Variants in CDC14A observed in about 807,000 individuals in gnomAD.
CDC14A encodes dual specificity protein phosphatase CDC14A.
Under a neutral mutation model 74.4 loss-of-function variants are expected in CDC14A, and 53 were observed. That is an observed-to-expected ratio of 0.71 (90% CI 0.57 to 0.89). The LOEUF is 0.89. Among genes scored for constraint, CDC14A ranks in the 40% least tolerant of loss-of-function variants. The probability of loss-of-function intolerance (pLI) is 0.00; values close to 1 mark genes in which losing one functional copy is unlikely to be tolerated. For missense variants in CDC14A, 646 were observed against 713.7 expected (o/e 0.91, Z 1.08); for synonymous variants, 247 against 258.4 (o/e 0.96, Z 0.43).
At chr1:100,472,021 A>G (rs1484325070) in intron 10 of CDC14A, among the ~76,000 whole-genome samples, 1 of 152,192 alleles carries the variant, frequency 6.6e-6, no homozygotes, top group African/African-American at 2.4e-5. Context: ...CTATTAAGAG[A>G]GTGAAAATGA....
chr1:100,476,049 G>C (rs964626000), intron 10 of CDC14A, among the ~76,000 whole-genome samples: 2 of 152,198 alleles, frequency 1.3e-5, no homozygotes, highest in Non-Finnish European at 2.9e-5. Flanking sequence ...TTTATTTCCT[G>C]TGGGGTTTGG....
intron 10 of CDC14A, among the ~76,000 whole-genome samples, chr1:100,479,275 AT>A (rs1669220050): frequency 6.6e-6 from 1 of 152,170 alleles, no homozygotes; most frequent in South Asian, 2.1e-4. Context: ...AAAAAAGTTA[AT>A]TCTTTTTTAA....
At chr1:100,412,772 A>ATATATATAT (rs1661037817) in intron 4 of CDC14A, among the ~76,000 whole-genome samples, 2 of 118,768 alleles carry the variant, frequency 1.7e-5, no homozygotes, top group African/African-American at 7.1e-5. Flanking sequence ...TATATATTAT[A>ATATATATAT]TATATATATA....
intron 8 of CDC14A, among the ~76,000 whole-genome samples, chr1:100,461,575 C>A (rs970467863): frequency 6.6e-6 from 1 of 152,172 alleles, no homozygotes; most frequent in African/African-American, 2.4e-5. Context: ...GGAACTTAGT[C>A]CCCTGAACTT....
intron 2 of CDC14A, among the ~76,000 whole-genome samples, chr1:100,370,185 G>A (rs1654264753): frequency 6.6e-6 from 1 of 151,800 alleles, no homozygotes; most frequent in Non-Finnish European, 1.5e-5. Flanking sequence ...GTTTTGCTAT[G>A]TTGCCCAGGC....
chr1:100,496,575 A>G (rs1228690293), intron 13 of CDC14A, among the ~76,000 whole-genome samples: 1 of 152,220 alleles, frequency 6.6e-6, no homozygotes, highest in Non-Finnish European at 1.5e-5. Context: ...CAGTGAGAGC[A>G]GCAGAGATGT....
chr1:100,432,939 G>A (rs1663887497), intron 5 of CDC14A, among the ~76,000 whole-genome samples: 1 of 152,086 alleles, frequency 6.6e-6, no homozygotes, highest in African/African-American at 2.4e-5. Flanking sequence ...GCAGGCTGGG[G>A]TGCAGTGGCC....
At chr1:100,353,645 G>A in intron 1 of CDC14A, 117 bp from the exon 2 acceptor site, 1 of 630,488 alleles carries the variant, frequency 1.6e-6, no homozygotes, top group South Asian at 1.9e-5. Flanking sequence ...GTTTCTGCAA[G>A]AATTCCACGT....
At position 100,499,401 on chromosome 1, in the gene CDC14A, G is replaced by A. The variant is rs976130734; in HGVS notation, c.1755+139G>A. On this transcript the variant is annotated intron_variant, in intron 15 of 15. Transcript: ENST00000336454. ...CTGAGCGATGCCTTCCCTCTGTGCT[G>A]TGAAACTGTCTATGCACTACATTCT... 3.2e-6 allele frequency: 5 copies of A among 1,586,684 alleles called. No homozygotes were observed. In the African/African-American group the frequency reaches 4.0e-5, roughly 13 times the overall value.
At chr1:100,351,527 G>A (rs758914681), upstream of CDC14A, among the ~76,000 whole-genome samples, 17 of 152,196 alleles carry the variant, frequency 1.1e-4, no homozygotes, top group Non-Finnish European at 2.4e-4. Flanking sequence ...CTTTTAGCGG[G>A]ACTCCTGCCT....
intron 1 of CDC14A, 136 bp downstream of exon 1, chr1:100,353,139 C>A: frequency 1.1e-6 from 1 of 878,878 alleles, no homozygotes; most frequent in Non-Finnish European, 1.8e-6. Flanking sequence ...CCTCTAGGGA[C>A]TCTCCTTTCT....
intron 3 of CDC14A, among the ~76,000 whole-genome samples, chr1:100,384,629 C>T (rs1656592837): frequency 1.3e-5 from 2 of 152,188 alleles, no homozygotes; most frequent in Non-Finnish European, 1.5e-5. Flanking sequence ...ACCCATAGAA[C>T]CTTCTTCAGC....
chr1:100,479,381 A>T (rs537138508), intron 10 of CDC14A, among the ~76,000 whole-genome samples: 1 of 152,310 alleles, frequency 6.6e-6, no homozygotes, highest in African/African-American at 2.4e-5. Flanking sequence ...TCACCTAAGT[A>T]CTGTACATTG....
chr1:100,401,868 G>A (rs541560564), intron 4 of CDC14A, among the ~76,000 whole-genome samples: 14 of 152,064 alleles, frequency 9.2e-5, no homozygotes, highest in South Asian at 2.1e-4. Context: ...GAGAAACCCC[G>A]TCTGTACTAA....
chr1:100,517,755 G>A (rs1464861402), intron 15 of CDC14A, among the ~76,000 whole-genome samples: 1 of 152,184 alleles, frequency 6.6e-6, no homozygotes, highest in Non-Finnish European at 1.5e-5. Context: ...GAAAGGATGT[G>A]TAAGATATTT....
chr1:100,353,800 AG>A lies in CDC14A; in HGVS notation c.89del (p.Ser30ThrfsTer3). 6.2e-7 allele frequency: 1 copy of A among 1,609,052 alleles called. No homozygotes were observed. The highest frequency in any genetic ancestry group is 8.5e-7 in the Non-Finnish European group (1 of 1,176,376). On this transcript the variant is annotated frameshift_variant, in exon 2 of 16. Transcript: ENST00000336454. LOFTEE classifies it high-confidence loss of function. ...YFATLRNRPK[S>X]TVNTHYFSID... Reference sequence around the variant, plus strand: ...TGCTACTTTAAGGAATAGACCAAAAAGCACAGTAAATACCCACTATTTCTCC... The same window carrying A: ...TGCTACTTTAAGGAATAGACCAAAAACACAGTAAATACCCACTATTTCTCC...
rs6674063 is a variant in CDC14A at position 100,450,279 on chromosome 1, G to A, written c.520-5126G>A. 3.9e-3 allele frequency among the ~76,000 whole-genome samples: 597 copies of A among 152,310 alleles called. 6 individuals are homozygous for A. Among genetic ancestry groups the A allele is most frequent in the African/African-American group, 0.013 (547 of 41,568 alleles). ...CTCAGCAAGTCACATTGGGTCAAGA[G>A]CAGGAGTCAATATTGTTGAACACTG... On this transcript the variant is annotated intron_variant, in intron 7 of 15. Transcript: ENST00000336454.
intron 10 of CDC14A, among the ~76,000 whole-genome samples, chr1:100,473,496 C>T (rs1668592872): frequency 6.6e-6 from 1 of 152,100 alleles, no homozygotes; most frequent in South Asian, 2.1e-4. Context: ...AAGTGATTCT[C>T]CTGCCTCAGC....
chr1:100,345,747 T>C (rs1650356116), intron 1 of CDC14A, among the ~76,000 whole-genome samples: 1 of 152,234 alleles, frequency 6.6e-6, no homozygotes, highest in South Asian at 2.1e-4. Flanking sequence ...AGGCAACCAA[T>C]GTAAGAACTG....
Sources: gnomAD v4.1 joint callset for allele counts (sites outside exome capture counted in the v4.1 genomes callset) on GRCh38, gnomAD v4.1.1 for gene constraint, MANE v1.5 for transcripts, NCBI Gene and HGNC (gene_info 2026-07-23, HGNC 2026-07-21) for gene names.